SLC38A4: variants seen among roughly 807,000 people sequenced by gnomAD.
SLC38A4 encodes sodium-coupled neutral amino acid transporter 4.
In SLC38A4, 20 loss-of-function variants were observed where a neutral mutation model predicts 63.1. The ratio of observed to expected loss-of-function variants is 0.32; its 90% CI spans 0.22 to 0.46. The LOEUF (loss-of-function observed/expected upper bound fraction) is 0.46, where lower values mean the gene tolerates loss of function less well. Ranked by LOEUF, SLC38A4 falls within the 20% of genes least tolerant of loss-of-function variation. The pLI, the probability that SLC38A4 is intolerant of heterozygous loss-of-function variation, is 1.00. For synonymous variants in SLC38A4, 230 were observed against 225.5 expected (o/e 1.02, Z -0.18); for missense variants, 526 against 663.6 (o/e 0.79, Z 2.28).
chr12:46,765,526 AT>A lies in SLC38A4; in HGVS notation c.*1174del. The A allele has an allele frequency of 3.3e-6, 1 of 302,036 alleles. No individual in the cohort carries two copies. Among genetic ancestry groups the A allele is most frequent in the Non-Finnish European group, 6.4e-6 (1 of 156,058 alleles). 18.7% of individuals were successfully genotyped at this position (302,036 alleles called of 1,614,324 possible). ...ATTATTGTAAATATTGAAGAAGAGC[AT>A]TGCCAAACTATATATAACTTAGGTT... On this transcript the variant is annotated 3_prime_UTR_variant, in exon 17 of 17. Transcript: ENST00000266579.
intron 13 of SLC38A4, 151 bp from the exon 14 acceptor site, chr12:46,775,324 G>A: frequency 1.2e-6 from 1 of 837,004 alleles, no homozygotes; most frequent in Non-Finnish European, 1.8e-6. Context: ...GAGCTCATTA[G>A]CTATGCAACC....
At chr12:46,824,235 A>T (rs944038333) in intron 1 of SLC38A4, 1 of 152,198 alleles carries the variant, frequency 6.6e-6, no homozygotes, top group Non-Finnish European at 1.5e-5. Flanking sequence ...AAGGTAAAGT[A>T]ACAGATTACT....
At chr12:46,767,448 A>G (rs1417370607) in intron 16 of SLC38A4, among the ~76,000 whole-genome samples, 1 of 152,094 alleles carries the variant, frequency 6.6e-6, no homozygotes, top group Admixed American at 6.6e-5. Flanking sequence ...TACTCATTTC[A>G]CAATTGGTCA....
rs555058922 is a variant in SLC38A4, at chr12:46,791,686, C to T, written c.119+1267G>A. Among the ~76,000 whole-genome samples the T allele has an allele frequency of 3.3e-5, 5 of 152,222 alleles. No individual in the cohort carries two copies. The East Asian group carries it at 9.7e-4, about 29-fold the overall frequency. On this transcript the variant is annotated intron_variant, in intron 3 of 16. Coordinates refer to ENST00000266579, the MANE Select transcript of SLC38A4 (RefSeq NM_018018.5). Reference sequence around the variant, plus strand: ...TATTGTGCACTCACTATGCACCAGACAATGTGGCAGGTGGTGGGACCACAG... The same window carrying T: ...TATTGTGCACTCACTATGCACCAGATAATGTGGCAGGTGGTGGGACCACAG...
intron 14 of SLC38A4, among the ~76,000 whole-genome samples, chr12:46,772,171 A>G (rs894411011): frequency 6.6e-6 from 1 of 151,506 alleles, no homozygotes; most frequent in Non-Finnish European, 1.5e-5. Flanking sequence ...GTTTAGACGT[A>G]GCTCACACTT....
At chr12:46,788,670 C>G (rs533074729) in intron 3 of SLC38A4, 52 bp from the exon 4 acceptor site, 2 of 1,466,138 alleles carry the variant, frequency 1.4e-6, no homozygotes, top group Admixed American at 3.4e-5. Context: ...AATATATGCT[C>G]TGAATCATAT....
At chr12:46,809,946 T>C (rs1225090151) in intron 1 of SLC38A4, among the ~76,000 whole-genome samples, 4 of 152,060 alleles carry the variant, frequency 2.6e-5, no homozygotes, top group Non-Finnish European at 4.4e-5. Context: ...ACTGAATGAA[T>C]GAAAATCTTT....
At chr12:46,815,073 A>T (rs1228633460) in intron 1 of SLC38A4, among the ~76,000 whole-genome samples, 1 of 151,642 alleles carries the variant, frequency 6.6e-6, no homozygotes, top group Non-Finnish European at 1.5e-5. Flanking sequence ...CTTAAAAAAC[A>T]ATTTTCTTCC....
chr12:46,811,722 A>C (rs989468916), intron 1 of SLC38A4, among the ~76,000 whole-genome samples: 2 of 152,044 alleles, frequency 1.3e-5, no homozygotes, highest in Non-Finnish European at 2.9e-5. Flanking sequence ...GGGTAGCATG[A>C]GGCAATCCTT....
At chr12:46,804,597 G>T (rs1434077554) in intron 1 of SLC38A4, among the ~76,000 whole-genome samples, 2 of 151,904 alleles carry the variant, frequency 1.3e-5, no homozygotes, top group Admixed American at 1.3e-4. Flanking sequence ...TTCTATAAAA[G>T]AAAACTAAAC....
chr12:46,788,406 A>T, intron 4 of SLC38A4, 122 bp downstream of exon 4: 3 of 754,514 alleles, frequency 4.0e-6, no homozygotes, highest in Middle Eastern at 2.4e-4. Flanking sequence ...AAGAGCCTGA[A>T]TAAACACAGA....
In SLC38A4 at chr12:46,779,672, A is replaced by G. The variant is rs745708500; in HGVS notation, c.659-3T>C. 3 of 1,602,794 alleles carry G rather than the reference A, an allele frequency of 1.9e-6. No individual in the cohort carries two copies. The African/African-American group carries it at 4.1e-5, about 22-fold the overall frequency. On this transcript the variant is annotated splice_region_variant and splice_polypyrimidine_tract_variant and intron_variant, in intron 9 of 16. Transcript: ENST00000266579. ...TCCACTGGTATAGCCAAGATAACCT[A>G]GAAGTTAGAAGAAGCATTTTGGAAG... is the stretch of plus-strand genomic sequence containing the variant.
At chr12:46,800,171 CCTCCTA>C (rs1346471280) in intron 2 of SLC38A4, among the ~76,000 whole-genome samples, 4 of 152,078 alleles carry the variant, frequency 2.6e-5, no homozygotes, top group Admixed American at 2.6e-4. Flanking sequence ...CTATCCTTCA[CCTCCTA>C]CTCATGTCCA....
chr12:46,812,906 C>T (rs1482887926), intron 1 of SLC38A4, among the ~76,000 whole-genome samples: 1 of 152,052 alleles, frequency 6.6e-6, no homozygotes, highest in Non-Finnish European at 1.5e-5. Context: ...TTCAATTTCA[C>T]TAATTCTCCT....
chr12:46,819,419 T>TTA (rs1939499616), intron 1 of SLC38A4, among the ~76,000 whole-genome samples: 1 of 151,866 alleles, frequency 6.6e-6, no homozygotes, highest in Non-Finnish European at 1.5e-5. Context: ...TCATTACACA[T>TTA]TATATATATG....
At chr12:46,782,838 C>T (rs1938671180) in intron 7 of SLC38A4, among the ~76,000 whole-genome samples, 1 of 149,614 alleles carries the variant, frequency 6.7e-6, no homozygotes, top group Non-Finnish European at 1.5e-5. Flanking sequence ...CAGATAGTGA[C>T]AGAAACAGAC....
chr12:46,789,467 T>C (rs1406508640), intron 3 of SLC38A4, among the ~76,000 whole-genome samples: 3 of 152,150 alleles, frequency 2.0e-5, no homozygotes, highest in Non-Finnish European at 4.4e-5. Context: ...CTGGTTTTCT[T>C]GGACACAGGC....
chr12:46,773,618 G>A (rs1938464838), intron 14 of SLC38A4, among the ~76,000 whole-genome samples: 2 of 151,958 alleles, frequency 1.3e-5, no homozygotes, highest in Admixed American at 6.6e-5. Context: ...ATTTCTAAGG[G>A]GAGATTTGGA....
At chr12:46,789,272 G>A (rs911977904) in intron 3 of SLC38A4, among the ~76,000 whole-genome samples, 1 of 151,894 alleles carries the variant, frequency 6.6e-6, no homozygotes, top group South Asian at 2.1e-4. Context: ...TTCAGTGGTA[G>A]CTGTGTGTTG....
Sources: allele counts gnomAD v4.1 joint callset (sites outside exome capture counted in the v4.1 genomes callset), GRCh38; gene constraint gnomAD v4.1.1; transcripts MANE v1.5; gene names NCBI Gene and HGNC (gene_info 2026-07-23, HGNC 2026-07-21).